The following DPP10 variants were observed in gnomAD, a reference collection of about 807,000 sequenced individuals.
DPP10 encodes dipeptidyl peptidase like 10.
Under a neutral mutation model 120.9 loss-of-function variants are expected in DPP10, and 33 were observed. The observed-to-expected ratio is 0.27, with a 90% CI of 0.21 to 0.37. The LOEUF (loss-of-function observed/expected upper bound fraction) is 0.37. Among genes scored for constraint, DPP10 ranks in the 10% least tolerant of loss-of-function variants. DPP10 has a pLI of 1.00. For synonymous variants in DPP10, 337 were observed against 326.1 expected (o/e 1.03, Z -0.36); for missense variants, 816 against 942.8 (o/e 0.87, Z 1.76).
chr2:114,957,394 AATGAG>A (rs976640713), intron 1 of DPP10, among the ~76,000 whole-genome samples: 2 of 152,180 alleles, frequency 1.3e-5, no homozygotes, highest in African/African-American at 2.4e-5. Flanking sequence ...TCAAAACCGC[AATGAG>A]ATATCACCTC....
intron 2 of DPP10, among the ~76,000 whole-genome samples, chr2:115,323,297 G>A (rs1463135511): frequency 1.3e-5 from 2 of 152,090 alleles, no homozygotes; most frequent in South Asian, 2.1e-4. Flanking sequence ...AAAACTCCTC[G>A]TTCATTCAAG....
intron 1 of DPP10, among the ~76,000 whole-genome samples, chr2:114,972,591 A>G (rs1207162802): frequency 1.3e-5 from 2 of 152,124 alleles, no homozygotes; most frequent in Non-Finnish European, 2.9e-5. Context: ...ACTGCAACAC[A>G]TATTTCCCCA....
At chr2:115,600,630 A>G (rs1193948914) in intron 5 of DPP10, among the ~76,000 whole-genome samples, 1 of 152,260 alleles carries the variant, frequency 6.6e-6, no homozygotes, top group Non-Finnish European at 1.5e-5. Context: ...TATCTTAAGA[A>G]TAGGCCACTT....
chr2:114,975,126 A>G (rs1408023354), intron 1 of DPP10, among the ~76,000 whole-genome samples: 1 of 151,112 alleles, frequency 6.6e-6, no homozygotes, highest in Non-Finnish European at 1.5e-5. Context: ...TGCAGCCTCC[A>G]TCTCAGCCTC....
chr2:115,606,638 G>T (rs1333741046), intron 5 of DPP10, among the ~76,000 whole-genome samples: 2 of 152,142 alleles, frequency 1.3e-5, no homozygotes, highest in African/African-American at 4.8e-5. Context: ...ACACCCTTTA[G>T]TCAGTAAGGA....
intron 1 of DPP10, among the ~76,000 whole-genome samples, chr2:114,874,323 G>A (rs1025458338): frequency 2.0e-5 from 3 of 152,122 alleles, no homozygotes; most frequent in Non-Finnish European, 4.4e-5. Flanking sequence ...GCCTTAAAAG[G>A]TATGTTTGAG....
intron 19 of DPP10, among the ~76,000 whole-genome samples, chr2:115,807,700 G>GGA (rs1553515130): frequency 6.6e-6 from 1 of 150,794 alleles, no homozygotes; most frequent in Non-Finnish European, 1.5e-5. Flanking sequence ...ATAGAAGAGA[G>GGA]AAAAAAGGGA....
At chr2:114,669,973 C>T (rs1698207457) in intron 1 of DPP10, among the ~76,000 whole-genome samples, 1 of 151,978 alleles carries the variant, frequency 6.6e-6, no homozygotes, top group South Asian at 2.1e-4. Flanking sequence ...CAATGAGATA[C>T]CATCTCACAC....
At chr2:115,654,354 C>T (rs918027120) in intron 5 of DPP10, among the ~76,000 whole-genome samples, 4 of 151,790 alleles carry the variant, frequency 2.6e-5, no homozygotes, top group Admixed American at 2.0e-4. Flanking sequence ...CCATTAATAA[C>T]GTTTTCTATT....
At chr2:114,509,016 A>T (rs1001901347) in intron 1 of DPP10, among the ~76,000 whole-genome samples, 1 of 150,392 alleles carries the variant, frequency 6.6e-6, no homozygotes, top group African/African-American at 2.4e-5. Flanking sequence ...GAGAGTGAGA[A>T]AGAGAGAGAG....
intron 3 of DPP10, among the ~76,000 whole-genome samples, chr2:115,397,303 A>G (rs184861066): frequency 6.6e-6 from 1 of 152,226 alleles, no homozygotes; most frequent in African/African-American, 2.4e-5. Flanking sequence ...GAACAAATCA[A>G]TTAAAAACCT....
At chr2:115,665,811 G>A (rs905434856) in intron 5 of DPP10, among the ~76,000 whole-genome samples, 1 of 151,704 alleles carries the variant, frequency 6.6e-6, no homozygotes, top group African/African-American at 2.4e-5. Context: ...TGGTGATATC[G>A]AATCTACTAC....
chr2:115,585,513 T>C (rs1421395667), intron 5 of DPP10, among the ~76,000 whole-genome samples: 2 of 152,260 alleles, frequency 1.3e-5, no homozygotes, highest in Admixed American at 6.5e-5. Context: ...TCAATTAGCC[T>C]CACATTGAAT....
In DPP10 at chr2:115,843,365, A is replaced by C. The variant is rs1690335178; in HGVS notation, c.*1020A>C. 6.6e-6 allele frequency: 1 copy of C among 152,604 alleles called. No homozygotes were observed. The highest frequency in any genetic ancestry group is 1.5e-5 in the Non-Finnish European group (1 of 68,018). 9.5% of individuals were successfully genotyped at this position (152,604 alleles called of 1,614,324 possible). On this transcript the variant is annotated 3_prime_UTR_variant, in exon 26 of 26. Coordinates refer to ENST00000410059, the MANE Select transcript of DPP10 (RefSeq NM_020868.6). ...GAGTGCTATTTTGCTCTTTTGGTGG[A>C]GAAGGCTTTTTTCAAAACTCTTGGT...
chr2:115,206,007 G>A (rs1264075874), intron 1 of DPP10, among the ~76,000 whole-genome samples: 3 of 152,128 alleles, frequency 2.0e-5, no homozygotes, highest in Non-Finnish European at 4.4e-5. Context: ...ACCTGCATAT[G>A]TACCCCTTGA....
intron 1 of DPP10, among the ~76,000 whole-genome samples, chr2:115,226,948 A>G (rs1353697341): frequency 6.6e-6 from 1 of 152,214 alleles, no homozygotes; most frequent in Non-Finnish European, 1.5e-5. Context: ...AAAACAAAAC[A>G]AAACACAGAA....
At chr2:115,016,365 T>TA (rs1702636321) in intron 1 of DPP10, among the ~76,000 whole-genome samples, 1 of 152,114 alleles carries the variant, frequency 6.6e-6, no homozygotes, top group Non-Finnish European at 1.5e-5. Flanking sequence ...CAAGATGGAA[T>TA]AAAGACTAAA....
intron 1 of DPP10, among the ~76,000 whole-genome samples, chr2:114,551,049 C>T (rs1687842733): frequency 6.6e-6 from 1 of 152,192 alleles, no homozygotes; most frequent in Non-Finnish European, 1.5e-5. Flanking sequence ...CCACAAAGCC[C>T]CCTCTGTTGA....
chr2:115,630,957 G>T (rs2085806158), intron 5 of DPP10, among the ~76,000 whole-genome samples: 1 of 150,482 alleles, frequency 6.6e-6, no homozygotes, highest in Admixed American at 6.6e-5. Context: ...TCAATTGTTT[G>T]CAATAGTTTC....
Sources: allele counts gnomAD v4.1 joint callset (sites outside exome capture counted in the v4.1 genomes callset), GRCh38; gene constraint gnomAD v4.1.1; transcripts MANE v1.5; gene names NCBI Gene and HGNC (gene_info 2026-07-23, HGNC 2026-07-21).